Variants in DYNC1I1 observed in about 807,000 individuals in gnomAD.
DYNC1I1 encodes cytoplasmic dynein 1 intermediate chain 1.
DYNC1I1 carries 43 observed loss-of-function variants against 86.6 expected under a neutral mutation model. That is an observed-to-expected ratio of 0.50 (90% confidence interval 0.39 to 0.64). The LOEUF is 0.64. DYNC1I1 is among the 30% of genes least tolerant of loss of function. The pLI, the probability that DYNC1I1 is intolerant of heterozygous loss-of-function variation, is 0.00. For synonymous variants in DYNC1I1, 262 were observed against 283.7 expected (o/e 0.92, Z 0.77); for missense variants, 604 against 788.8 (o/e 0.77, Z 2.81).
intron 5 of DYNC1I1, among the ~76,000 whole-genome samples, chr7:95,833,344 C>T (rs1364477466): frequency 6.6e-6 from 1 of 150,414 alleles, no homozygotes; most frequent in African/African-American, 2.4e-5. Flanking sequence ...TGTTTTGGTG[C>T]CAGTACCATG....
chr7:96,019,070 A>G (rs1283680474), intron 10 of DYNC1I1, among the ~76,000 whole-genome samples: 1 of 152,178 alleles, frequency 6.6e-6, no homozygotes, highest in Non-Finnish European at 1.5e-5. Flanking sequence ...ATTAACAAGC[A>G]AAATTGTATA....
chr7:95,992,736 C>T (rs941837071), intron 9 of DYNC1I1, among the ~76,000 whole-genome samples: 5 of 152,116 alleles, frequency 3.3e-5, no homozygotes, highest in Non-Finnish European at 5.9e-5. Flanking sequence ...TCTCCTGCCT[C>T]AGCCTCCCGA....
chr7:96,027,397 G>A (rs1794707345), intron 10 of DYNC1I1, among the ~76,000 whole-genome samples: 1 of 152,172 alleles, frequency 6.6e-6, no homozygotes, highest in Admixed American at 6.5e-5. Context: ...AGTGCATTAT[G>A]GTTCTATCTC....
chr7:95,849,487 G>A (rs1440913933), intron 5 of DYNC1I1, among the ~76,000 whole-genome samples: 2 of 152,036 alleles, frequency 1.3e-5, no homozygotes, highest in Non-Finnish European at 2.9e-5. Context: ...TTTCCCTATA[G>A]TGTGTTCTTG....
intron 6 of DYNC1I1, among the ~76,000 whole-genome samples, chr7:95,965,027 G>T (rs574524912): frequency 6.6e-6 from 1 of 152,254 alleles, no homozygotes; most frequent in African/African-American, 2.4e-5. Flanking sequence ...ACATGGCGTG[G>T]TCTTGTGCTG....
chr7:96,028,166 C>T lies in DYNC1I1; in HGVS notation c.970-9C>T. 3 of 1,613,448 alleles carry T rather than the reference C, an allele frequency of 1.9e-6. No homozygotes were observed. The highest frequency in any genetic ancestry group is 1.1e-5 in the South Asian group (1 of 91,002). On this transcript the variant is annotated splice_polypyrimidine_tract_variant and intron_variant, in intron 10 of 16. Transcript: ENST00000447467. ...TGCATCTCTCTCTCTCTCTCCTTTTCCCTGACAGTCCTCTGTGATGTCGGT... is the reference window on the plus strand; with the variant it reads ...TGCATCTCTCTCTCTCTCTCCTTTTTCCTGACAGTCCTCTGTGATGTCGGT...
chr7:96,049,114 T>G (rs1789309603), intron 14 of DYNC1I1, among the ~76,000 whole-genome samples: 1 of 151,716 alleles, frequency 6.6e-6, no homozygotes, highest in South Asian at 2.1e-4. Flanking sequence ...AAAAATTAGC[T>G]GGGCATGGTG....
At chr7:96,037,120 AC>A (rs1794944380) in intron 13 of DYNC1I1, among the ~76,000 whole-genome samples, 2 of 152,184 alleles carry the variant, frequency 1.3e-5, no homozygotes, top group South Asian at 4.1e-4. Flanking sequence ...TTCAAACTAT[AC>A]AAGCTGTTAT....
intron 16 of DYNC1I1, among the ~76,000 whole-genome samples, chr7:96,081,520 A>G (rs1367833153): frequency 1.3e-5 from 2 of 152,206 alleles, no homozygotes; most frequent in African/African-American, 4.8e-5. Context: ...GAAAAAGAAA[A>G]TATTGAACTT....
chr7:95,945,546 A>G (rs113134945), intron 6 of DYNC1I1, among the ~76,000 whole-genome samples: 151 of 152,308 alleles, frequency 9.9e-4, no homozygotes, highest in African/African-American at 3.5e-3. Flanking sequence ...TAACCTTCAC[A>G]TAATGCATTC....
intron 1 of DYNC1I1, among the ~76,000 whole-genome samples, chr7:95,799,776 A>C (rs1047228346): frequency 4.6e-5 from 7 of 151,904 alleles, no homozygotes; most frequent in Admixed American, 2.6e-4. Flanking sequence ...CCTTACTTTA[A>C]ATGTATTGCT....
intron 6 of DYNC1I1, among the ~76,000 whole-genome samples, chr7:95,891,533 A>G (rs1181216239): frequency 6.6e-6 from 1 of 152,202 alleles, no homozygotes; most frequent in Non-Finnish European, 1.5e-5. Context: ...AGGGGACACT[A>G]TTGGTGTCAG....
intron 6 of DYNC1I1, among the ~76,000 whole-genome samples, chr7:95,878,512 T>C (rs1790367480): frequency 6.6e-6 from 1 of 152,070 alleles, no homozygotes; most frequent in Admixed American, 6.6e-5. Flanking sequence ...TCAAGATAGA[T>C]TGATAGGGAG....
intron 6 of DYNC1I1, among the ~76,000 whole-genome samples, chr7:95,889,417 C>G (rs1790679379): frequency 6.6e-6 from 1 of 152,100 alleles, no homozygotes; most frequent in Admixed American, 6.6e-5. Context: ...TGAAAATGGA[C>G]TCCTATGTTA....
intron 10 of DYNC1I1, among the ~76,000 whole-genome samples, chr7:96,022,550 A>C (rs1176868787): frequency 1.3e-5 from 2 of 152,010 alleles, no homozygotes; most frequent in Non-Finnish European, 2.9e-5. Flanking sequence ...AGACTTAGAG[A>C]GAGGAAGGGA....
chr7:95,862,845 T>C (rs768960459), intron 5 of DYNC1I1, among the ~76,000 whole-genome samples: 3 of 152,222 alleles, frequency 2.0e-5, no homozygotes, highest in Non-Finnish European at 4.4e-5. Flanking sequence ...TAGAAACTGG[T>C]GTAATATTTG....
At chr7:96,079,291 A>T (rs946134302) in intron 15 of DYNC1I1, among the ~76,000 whole-genome samples, 5 of 152,210 alleles carry the variant, frequency 3.3e-5, no homozygotes, top group Admixed American at 6.5e-5. Flanking sequence ...CACAGGTCTT[A>T]AACAGTGGCA....
At chr7:95,891,313 G>A (rs978780115) in intron 6 of DYNC1I1, among the ~76,000 whole-genome samples, 1 of 152,218 alleles carries the variant, frequency 6.6e-6, no homozygotes, top group Admixed American at 6.5e-5. Flanking sequence ...AGCTAATACA[G>A]ATTGTGGGCT....
chr7:95,903,164 AGT>A (rs2116316038), intron 6 of DYNC1I1, among the ~76,000 whole-genome samples: 1 of 152,344 alleles, frequency 6.6e-6, no homozygotes, highest in Non-Finnish European at 1.5e-5. Context: ...AGAAACGTGA[AGT>A]GTGAGGCAAT....
Sources: gnomAD v4.1 joint callset for allele counts (sites outside exome capture counted in the v4.1 genomes callset) on GRCh38, gnomAD v4.1.1 for gene constraint, MANE v1.5 for transcripts, NCBI Gene and HGNC (gene_info 2026-07-23, HGNC 2026-07-21) for gene names.